CNTNAP5: variants seen among roughly 807,000 people sequenced by gnomAD.
CNTNAP5 encodes the protein contactin associated protein family member 5.
A neutral mutation model predicts 150.2 loss-of-function variants in CNTNAP5; 72 were observed. The ratio of observed to expected loss-of-function variants is 0.48; its 90% CI spans 0.40 to 0.58. The LOEUF (loss-of-function observed/expected upper bound fraction) is 0.58, where lower values mean the gene tolerates loss of function less well. CNTNAP5 is among the 20% of genes least tolerant of loss of function. CNTNAP5 has a pLI of 0.00. For missense variants in CNTNAP5, 1,636 were observed against 1,626.2 expected, an observed-to-expected ratio of 1.01 and a Z score of -0.10; for synonymous variants, 672 against 619.8, an observed-to-expected ratio of 1.08 and a Z score of -1.25.
chr2:124,691,914 G>A (rs1348967857), intron 13 of CNTNAP5, among the ~76,000 whole-genome samples: 2 of 152,108 alleles, frequency 1.3e-5, no homozygotes, highest in Admixed American at 6.6e-5. Context: ...ATGAGCCTAG[G>A]CTGCCTTGCC....
At chr2:124,713,720 C>A (rs1679888367) in intron 13 of CNTNAP5, among the ~76,000 whole-genome samples, 1 of 151,994 alleles carries the variant, frequency 6.6e-6, no homozygotes, top group Admixed American at 6.6e-5. Flanking sequence ...TCTCACCTCC[C>A]TCTCAAACCA....
intron 14 of CNTNAP5, among the ~76,000 whole-genome samples, chr2:124,757,510 A>C (rs143383577): frequency 9.8e-4 from 149 of 152,326 alleles, no homozygotes; most frequent in Admixed American, 2.9e-3. Context: ...GTTGGAGCAC[A>C]GGAGACATTG....
intron 20 of CNTNAP5, among the ~76,000 whole-genome samples, chr2:124,867,741 A>G (rs1677662517): frequency 6.6e-6 from 1 of 152,250 alleles, no homozygotes. Flanking sequence ...TCGATCTCAC[A>G]TCTTTAAATT....
At chr2:124,534,431 T>A (rs949205368) in intron 10 of CNTNAP5, among the ~76,000 whole-genome samples, 1 of 152,196 alleles carries the variant, frequency 6.6e-6, no homozygotes, top group African/African-American at 2.4e-5. Flanking sequence ...AGGTAGATTA[T>A]TCATGAGTTT....
intron 23 of CNTNAP5, among the ~76,000 whole-genome samples, chr2:124,913,490 A>T (rs567143485): frequency 3.6e-4 from 55 of 152,224 alleles, no homozygotes; most frequent in African/African-American, 1.2e-3. Flanking sequence ...TGAGTTTCTC[A>T]AGAACAGAGG....
intron 1 of CNTNAP5, among the ~76,000 whole-genome samples, chr2:124,164,520 G>C (rs983046100): frequency 2.6e-5 from 4 of 152,150 alleles, no homozygotes; most frequent in Non-Finnish European, 4.4e-5. Context: ...TTGAGGAAGT[G>C]ACATTTGAAC....
chr2:124,571,275 G>A (rs1696146401), intron 11 of CNTNAP5, among the ~76,000 whole-genome samples: 1 of 152,130 alleles, frequency 6.6e-6, no homozygotes, highest in Non-Finnish European at 1.5e-5. Context: ...ATCAGTGGGT[G>A]TATAGTTGCT....
chr2:124,878,693 G>T (rs1259307963), intron 21 of CNTNAP5, among the ~76,000 whole-genome samples: 1 of 148,996 alleles, frequency 6.7e-6, no homozygotes, highest in African/African-American at 2.5e-5. Context: ...TTTATTTGTT[G>T]TTCTTTTCTT....
At chr2:124,908,208 T>A (rs1422666938) in intron 22 of CNTNAP5, among the ~76,000 whole-genome samples, 1 of 151,648 alleles carries the variant, frequency 6.6e-6, no homozygotes, top group Non-Finnish European at 1.5e-5. Context: ...CCATATCTAC[T>A]AAAAATACAA....
intron 3 of CNTNAP5, among the ~76,000 whole-genome samples, chr2:124,288,719 G>A (rs1190484598): frequency 6.6e-6 from 1 of 151,910 alleles, no homozygotes. Context: ...TTCCTAATAG[G>A]CACTTTATTA....
At chr2:124,835,545 C>A (rs1243188648) in intron 19 of CNTNAP5, among the ~76,000 whole-genome samples, 1 of 152,070 alleles carries the variant, frequency 6.6e-6, no homozygotes, top group Non-Finnish European at 1.5e-5. Flanking sequence ...CAGGTCCATG[C>A]CAGAGAGTTT....
intron 1 of CNTNAP5, among the ~76,000 whole-genome samples, chr2:124,202,894 C>G (rs934974198): frequency 6.6e-6 from 1 of 152,134 alleles, no homozygotes; most frequent in Non-Finnish European, 1.5e-5. Flanking sequence ...AGTGAGGACA[C>G]AGCCAGACCA....
At chr2:124,342,447 T>C (rs1476951303) in intron 3 of CNTNAP5, among the ~76,000 whole-genome samples, 4 of 152,192 alleles carry the variant, frequency 2.6e-5, no homozygotes, top group Non-Finnish European at 5.9e-5. Context: ...CGTGTATTCA[T>C]AGTACTAGAC....
intron 14 of CNTNAP5, among the ~76,000 whole-genome samples, chr2:124,756,770 G>A (rs1007962382): frequency 1.3e-5 from 2 of 152,074 alleles, no homozygotes; most frequent in African/African-American, 4.8e-5. Context: ...CTGTAGGAGG[G>A]TTGGGAGTGG....
intron 3 of CNTNAP5, among the ~76,000 whole-genome samples, chr2:124,271,724 C>CTATT (rs944082662): frequency 3.0e-5 from 4 of 133,610 alleles, no homozygotes; most frequent in Non-Finnish European, 6.6e-5. Flanking sequence ...ATCTATCTAT[C>CTATT]TATTTATTGA....
In CNTNAP5 at chr2:124,547,825, A is replaced by T. The variant is rs552019558; in HGVS notation, c.1650-15392A>T. Among the ~76,000 whole-genome samples, 3 of 152,260 alleles carry T rather than the reference A, an allele frequency of 2.0e-5. No homozygotes were observed. The South Asian group carries it at 6.2e-4, about 32-fold the overall frequency. On this transcript the variant is annotated intron_variant, in intron 10 of 23. Transcript: ENST00000682447. Reference sequence around the variant, plus strand: ...AGTGGGGATGAGGGAGGGTGAGTGAAATCAACTCACAGAGAAAAGAGATGG... The same window carrying T: ...AGTGGGGATGAGGGAGGGTGAGTGATATCAACTCACAGAGAAAAGAGATGG...
intron 2 of CNTNAP5, among the ~76,000 whole-genome samples, chr2:124,229,863 T>A (rs1274918726): frequency 1.3e-5 from 2 of 151,808 alleles, no homozygotes; most frequent in Non-Finnish European, 2.9e-5. Flanking sequence ...TTTGGCCCCA[T>A]GAGAGGAGAG....
At chr2:124,676,849 C>T (rs1678950201) in intron 13 of CNTNAP5, among the ~76,000 whole-genome samples, 1 of 152,184 alleles carries the variant, frequency 6.6e-6, no homozygotes, top group Admixed American at 6.5e-5. Context: ...ATTTTCCAGA[C>T]ATTTGAAAAA....
At chr2:124,568,009 G>C (rs1053503501) in intron 11 of CNTNAP5, among the ~76,000 whole-genome samples, 6 of 152,290 alleles carry the variant, frequency 3.9e-5, no homozygotes, top group East Asian at 1.9e-4. Flanking sequence ...CTCATATCTA[G>C]TAAATGGTAG....
Sources: allele counts gnomAD v4.1 joint callset (sites outside exome capture counted in the v4.1 genomes callset), GRCh38; gene constraint gnomAD v4.1.1; transcripts MANE v1.5; gene names NCBI Gene and HGNC (gene_info 2026-07-23, HGNC 2026-07-21).